Variants in ITGA8 observed in about 807,000 individuals in gnomAD.
The protein encoded by ITGA8 is integrin subunit alpha 8, also known as integrin alpha-8.
In ITGA8, 91 loss-of-function variants were observed where a neutral mutation model predicts 142.3. The observed-to-expected ratio is 0.64, with a 90% confidence interval of 0.54 to 0.76. The LOEUF is 0.76. Among genes scored for constraint, ITGA8 ranks in the 30% least tolerant of loss-of-function variants. ITGA8 has a pLI of 0.00. For missense variants in ITGA8, 1,406 were observed against 1,327.7 expected (o/e 1.06, Z -0.92); for synonymous variants, 505 against 485.2 (o/e 1.04, Z -0.54).
rs780687845 is a variant in ITGA8, at chr10:15,592,219, T to G, written c.2291+6A>C. On this transcript the variant is annotated splice_donor_region_variant and intron_variant, in intron 22 of 29. Transcript: ENST00000378076. Reference sequence around the variant, plus strand: ...TGTCAACGATATAGGCATGTAAAGGTCTAACCTTCTGATTTGGAGATCGAA... The same window carrying G: ...TGTCAACGATATAGGCATGTAAAGGGCTAACCTTCTGATTTGGAGATCGAA... 23 of 1,608,236 alleles carry G rather than the reference T, an allele frequency of 1.4e-5. No individual in the cohort carries two copies. The highest frequency in any genetic ancestry group is 2.0e-5 in the Non-Finnish European group (23 of 1,174,926).
At chr10:15,655,494 A>T in intron 10 of ITGA8, 88 bp from the exon 11 acceptor site, 1 of 900,066 alleles carries the variant, frequency 1.1e-6, no homozygotes, top group Non-Finnish European at 1.8e-6. Context: ...GATTCATCTC[A>T]TTGTGGTACA....
intron 2 of ITGA8, among the ~76,000 whole-genome samples, chr10:15,700,637 A>G (rs1302015109): frequency 6.6e-6 from 1 of 152,230 alleles, no homozygotes; most frequent in Non-Finnish European, 1.5e-5. Context: ...GAAAACCCAC[A>G]GAGCGGGAGA....
At chr10:15,638,138 T>G (rs1414982499) in intron 13 of ITGA8, among the ~76,000 whole-genome samples, 1 of 152,222 alleles carries the variant, frequency 6.6e-6, no homozygotes, top group East Asian at 1.9e-4. Flanking sequence ...AAACTAGTCC[T>G]GATTATATAC....
chr10:15,547,762 A>G (rs1028054720), intron 27 of ITGA8, among the ~76,000 whole-genome samples: 1 of 152,184 alleles, frequency 6.6e-6, no homozygotes, highest in Non-Finnish European at 1.5e-5. Flanking sequence ...ACCTTCTAGA[A>G]CAATCTCCCC....
At chr10:15,586,925 A>AC (rs1832842625) in intron 22 of ITGA8, among the ~76,000 whole-genome samples, 1 of 149,882 alleles carries the variant, frequency 6.7e-6, no homozygotes, top group African/African-American at 2.5e-5. Flanking sequence ...AGAAACTAAC[A>AC]CTTTTTTTTT....
chr10:15,518,114 G>C (rs917699537), intron 29 of ITGA8, among the ~76,000 whole-genome samples: 5 of 152,334 alleles, frequency 3.3e-5, no homozygotes, highest in African/African-American at 1.2e-4. Context: ...AGGTTAGCCA[G>C]AAACTCAGGG....
chr10:15,692,198 G>T (rs1161867906), intron 2 of ITGA8, among the ~76,000 whole-genome samples: 1 of 151,884 alleles, frequency 6.6e-6, no homozygotes, highest in Admixed American at 6.6e-5. Context: ...CTCCCAAAGT[G>T]CTGGGATTAC....
chr10:15,604,424 G>A, intron 19 of ITGA8, 69 bp from the exon 20 acceptor site: 1 of 1,301,976 alleles, frequency 7.7e-7, no homozygotes, highest in Non-Finnish European at 1.0e-6. Flanking sequence ...TTTATTTAAG[G>A]ATTTATAGAG....
At position 15,608,266 on chromosome 10, in the gene ITGA8, A is replaced by G. The variant is rs773245785; in HGVS notation, c.1578T>C (p.Ser526=). Residue 526 remains serine, a synonymous_variant, in exon 16 of 30, where the codon TCT becomes TCC. Transcript: ENST00000378076. ...TGTTTGCAATGCTCTGGCCTGTGAC[A>G]GATGCACATACTCTTAAAGAAAAGC... is the stretch of plus-strand genomic sequence containing the variant. ...AACFSLRVCA[S]VTGQSIANTI... is the part of the protein sequence containing the mutation. 16 of 1,596,980 alleles carry G rather than the reference A, an allele frequency of 1.0e-5. No homozygotes were observed. Among genetic ancestry groups the G allele is most frequent in the African/African-American group, 1.4e-5 (1 of 74,002 alleles).
chr10:15,519,516 T>G, intron 28 of ITGA8, 104 bp from the exon 29 acceptor site: 1 of 1,239,890 alleles, frequency 8.1e-7, no homozygotes, highest in Non-Finnish European at 1.2e-6. Flanking sequence ...AAAGGATCCA[T>G]ATGACAATTG....
At chr10:15,661,321 C>A (rs1044925011) in intron 8 of ITGA8, among the ~76,000 whole-genome samples, 1 of 152,140 alleles carries the variant, frequency 6.6e-6, no homozygotes, top group Non-Finnish European at 1.5e-5. Context: ...GCCTGATGAT[C>A]TGAGGTGAAA....
intron 2 of ITGA8, among the ~76,000 whole-genome samples, chr10:15,691,846 C>G (rs1040227801): frequency 2.8e-4 from 43 of 152,298 alleles, no homozygotes; most frequent in African/African-American, 9.4e-4. Flanking sequence ...ACACAAAAGG[C>G]AACCATGCTA....
At chr10:15,665,714 G>T (rs1228927358) in intron 8 of ITGA8, among the ~76,000 whole-genome samples, 1 of 152,132 alleles carries the variant, frequency 6.6e-6, no homozygotes, top group African/African-American at 2.4e-5. Flanking sequence ...GGAAGGGAAT[G>T]AGTTTCAGCT....
chr10:15,599,200 C>T (rs1374747148), intron 20 of ITGA8, among the ~76,000 whole-genome samples: 1 of 151,984 alleles, frequency 6.6e-6, no homozygotes, highest in Non-Finnish European at 1.5e-5. Flanking sequence ...TTTCACATCC[C>T]CTCCACCCTT....
rs1833996325 is a variant in ITGA8 at position 15,647,105 on chromosome 10, T to G, written c.1002-54A>C. ...ACGCTAGCAGAGAGTAGAGTCACTTTGGGTTATTTGTAATCAACTAGACTA... is the reference window on the plus strand; with the variant it reads ...ACGCTAGCAGAGAGTAGAGTCACTTGGGGTTATTTGTAATCAACTAGACTA... On this transcript the variant is annotated intron_variant, in intron 11 of 29. Transcript: ENST00000378076. The G allele has an allele frequency of 2.2e-6, 3 of 1,374,804 alleles. No individual in the cohort carries two copies. The Admixed American group carries it at 5.1e-5, about 23-fold the overall frequency. 85.2% of individuals were successfully genotyped at this position (1,374,804 alleles called of 1,614,324 possible).
chr10:15,559,834 C>T (rs1340013917), intron 25 of ITGA8, among the ~76,000 whole-genome samples: 5 of 19,930 alleles, frequency 2.5e-4, no homozygotes, highest in Non-Finnish European at 4.4e-4. Flanking sequence ...GGTAGGGGGG[C>T]GGGGGGAGGG....
At chr10:15,592,612 AT>A (rs1222370008) in intron 21 of ITGA8, among the ~76,000 whole-genome samples, 2 of 152,134 alleles carry the variant, frequency 1.3e-5, no homozygotes, top group Non-Finnish European at 2.9e-5. Context: ...TGATTGATTG[AT>A]TGATTGATTG....
At chr10:15,694,540 G>A in intron 2 of ITGA8, among the ~76,000 whole-genome samples, 2 of 132,094 alleles carry the variant, frequency 1.5e-5, no homozygotes, top group South Asian at 2.3e-4. Flanking sequence ...ATATAAAAAT[G>A]TATCTAATAT....
At chr10:15,596,284 C>G (rs1833010777) in intron 21 of ITGA8, among the ~76,000 whole-genome samples, 1 of 152,280 alleles carries the variant, frequency 6.6e-6, no homozygotes, top group Non-Finnish European at 1.5e-5. Context: ...TGCTGTAAGA[C>G]TTGGTTTGAA....
Sources: allele counts gnomAD v4.1 joint callset (sites outside exome capture counted in the v4.1 genomes callset), GRCh38; gene constraint gnomAD v4.1.1; transcripts MANE v1.5; gene names NCBI Gene and HGNC (gene_info 2026-07-23, HGNC 2026-07-21).